The following PGD variants were observed in gnomAD, a reference collection of about 807,000 sequenced individuals.
PGD encodes 6-phosphogluconate dehydrogenase, decarboxylating.
A neutral mutation model predicts 60.4 loss-of-function variants in PGD; 21 were observed. The ratio of observed to expected loss-of-function variants is 0.35; its 90% confidence interval spans 0.25 to 0.50. The LOEUF is 0.50. Among genes scored for constraint, PGD ranks in the 20% least tolerant of loss-of-function variants. The pLI is 0.98. For synonymous variants in PGD, 230 were observed against 235.9 expected (o/e 0.97, Z 0.23); for missense variants, 477 against 613.1 (o/e 0.78, Z 2.34).
chr1:10,400,659 A>AT (rs35314429), intron 3 of PGD, 87 bp downstream of exon 3: 304,970 of 817,414 alleles, frequency 0.37, 33,289 homozygotes, highest in African/African-American at 0.47. Context: ...AACTCTAGAG[A>AT]TTTTTTTTTT....
chr1:10,414,791 A>G (rs1639566667), intron 8 of PGD, among the ~76,000 whole-genome samples: 2 of 151,948 alleles, frequency 1.3e-5, no homozygotes, highest in South Asian at 4.2e-4. Context: ...GATTGTTCTC[A>G]CTATATTAAA....
intron 8 of PGD, 135 bp downstream of exon 8, chr1:10,413,386 C>T (rs1171662114): frequency 4.3e-6 from 3 of 699,396 alleles, no homozygotes; most frequent in Non-Finnish European, 7.0e-6. Flanking sequence ...CTCTTTCTTG[C>T]GTTGAAGAAA....
At chr1:10,412,559 A>T (rs917917388) in intron 7 of PGD, among the ~76,000 whole-genome samples, 1 of 152,218 alleles carries the variant, frequency 6.6e-6, no homozygotes, top group Non-Finnish European at 1.5e-5. Flanking sequence ...ATTGGTATAT[A>T]TAATACTTAA....
chr1:10,407,088 G>A (rs1014135138), intron 5 of PGD, among the ~76,000 whole-genome samples: 1 of 152,146 alleles, frequency 6.6e-6, no homozygotes, highest in Non-Finnish European at 1.5e-5. Context: ...GAGGTGGGAG[G>A]AGTGCTTGAT....
chr1:10,410,628 T>C (rs886902123), intron 6 of PGD, among the ~76,000 whole-genome samples: 6 of 152,072 alleles, frequency 3.9e-5, no homozygotes, highest in African/African-American at 1.4e-4. Flanking sequence ...ATGAACTGTT[T>C]GGCTCTCGTC....
Position 10,419,429 on chromosome 1 carries a change from CGG to C in PGD, c.1224_1225del (p.Ala409SerfsTer22). The C allele has an allele frequency of 6.2e-7, 1 of 1,613,404 alleles. No homozygotes were observed. Among genetic ancestry groups the C allele is most frequent in the Non-Finnish European group, 8.5e-7 (1 of 1,179,812 alleles). On this transcript the variant is annotated frameshift_variant, in exon 12 of 13. Coordinates refer to ENST00000270776, the MANE Select transcript of PGD (RefSeq NM_002631.4). LOFTEE classifies it high-confidence loss of function. ...GTTTTGTGCTCAGGACTCCTGGCGG[CGG>C]GCAGTCAGCACTGGGGTCCAGGCTG... ...AVENCQDSWR[R>X]AVSTGVQAGI... is the part of the protein sequence containing the mutation.
Position 10,400,382 on chromosome 1 carries a change from T to C in PGD, c.85-11T>C. On this transcript the variant is annotated splice_polypyrimidine_tract_variant and intron_variant, in intron 2 of 12. Transcript: ENST00000270776. ...TCCTGGATCTCCTACTCAGGACTTT[T>C]GTCCTTCTAGGTCTGTGCTTTTAAT... 4 of 1,603,398 alleles carry C rather than the reference T, an allele frequency of 2.5e-6. No individual in the cohort carries two copies. Among genetic ancestry groups the C allele is most frequent in the Non-Finnish European group, 3.4e-6 (4 of 1,172,768 alleles).
intron 5 of PGD, among the ~76,000 whole-genome samples, chr1:10,404,731 C>T (rs1639371953): frequency 2.6e-5 from 4 of 152,152 alleles, no homozygotes; most frequent in Admixed American, 2.6e-4. Flanking sequence ...AACTCCTGAC[C>T]TTAGGCGATC....
intron 2 of PGD, 135 bp downstream of exon 2, chr1:10,399,839 T>C (rs1639285227): frequency 1.3e-6 from 1 of 770,694 alleles, no homozygotes; most frequent in Non-Finnish European, 2.2e-6. Context: ...GGCATTTTTG[T>C]ATGGAAAGGA....
At chr1:10,400,629 C>G in intron 3 of PGD, 57 bp downstream of exon 3, 1 of 1,363,402 alleles carries the variant, frequency 7.3e-7, no homozygotes, top group Non-Finnish European at 1.0e-6. Flanking sequence ...TTGGTTTCTT[C>G]CTTTAGTTCT....
chr1:10,399,374 C>T, intron 1 of PGD: 1 of 519,248 alleles, frequency 1.9e-6, no homozygotes, highest in South Asian at 2.9e-5. Context: ...GGAGGAGGCG[C>T]GGCCAGGCCT....
chr1:10,399,597 C>T (rs764469347), intron 1 of PGD, 32 bp from the exon 2 acceptor site: 12 of 1,603,630 alleles, frequency 7.5e-6, no homozygotes, highest in East Asian at 2.2e-5. Flanking sequence ...GCGGTGCTGA[C>T]TCTTTCCTTT....
chr1:10,419,408 T>C lies in PGD; in HGVS notation c.1210-9T>C. 6.2e-7 allele frequency: 1 copy of C among 1,611,284 alleles called. No homozygotes were observed. Among genetic ancestry groups the C allele is most frequent in the South Asian group, 1.1e-5 (1 of 90,890 alleles). On this transcript the variant is annotated splice_polypyrimidine_tract_variant and intron_variant, in intron 11 of 12. Transcript: ENST00000270776. ...ATCACTAATCTCTGGCCGTGCGTTT[T>C]GTGCTCAGGACTCCTGGCGGCGGGC...
chr1:10,417,959 G>A (rs58253408), intron 10 of PGD, among the ~76,000 whole-genome samples: 1 of 152,152 alleles, frequency 6.6e-6, no homozygotes, highest in South Asian at 2.1e-4. Context: ...TGATCTGCCC[G>A]CCTCAGCCTC....
intron 7 of PGD, 109 bp downstream of exon 7, chr1:10,411,661 C>A: frequency 8.0e-7 from 1 of 1,251,746 alleles, no homozygotes; most frequent in Non-Finnish European, 1.1e-6. Context: ...GGGTGGCCTG[C>A]ATGGACTCAG....
chr1:10,414,650 T>C, intron 8 of PGD, among the ~76,000 whole-genome samples: 1 of 151,890 alleles, frequency 6.6e-6, no homozygotes, highest in South Asian at 2.1e-4. Context: ...GTGCTGGGAT[T>C]GCAGGCGTGA....
At chr1:10,413,306 C>T in intron 8 of PGD, 55 bp downstream of exon 8, 1 of 1,483,002 alleles carries the variant, frequency 6.7e-7, no homozygotes, top group Non-Finnish European at 9.3e-7. Flanking sequence ...ATCTTGATGT[C>T]TGGAGGACAG....
chr1:10,415,416 C>T (rs989211386), intron 8 of PGD: 1 of 152,140 alleles, frequency 6.6e-6, no homozygotes, highest in African/African-American at 2.4e-5. Flanking sequence ...TCTCAGAATC[C>T]TACTCTCCTC....
At chr1:10,412,958 C>T (rs922109295) in intron 7 of PGD, 104 bp from the exon 8 acceptor site, 1 of 957,208 alleles carries the variant, frequency 1.0e-6, no homozygotes, top group Non-Finnish European at 1.6e-6. Flanking sequence ...CGAGCAGAGC[C>T]TGCTGGCAAC....
Sources: allele counts gnomAD v4.1 joint callset (sites outside exome capture counted in the v4.1 genomes callset), GRCh38; gene constraint gnomAD v4.1.1; transcripts MANE v1.5; gene names NCBI Gene and HGNC (gene_info 2026-07-23, HGNC 2026-07-21).